Variants in DNER observed in about 807,000 individuals in gnomAD.
DNER encodes delta and Notch-like epidermal growth factor-related receptor.
Under a neutral mutation model 78.2 loss-of-function variants are expected in DNER, and 33 were observed. The observed-to-expected ratio is 0.42, with a 90% CI of 0.32 to 0.56. DNER has a LOEUF of 0.56. Among genes scored for constraint, DNER ranks in the 20% least tolerant of loss-of-function variants. The pLI is 0.11. For synonymous variants in DNER, 417 were observed against 384.8 expected (o/e 1.08, Z -0.98); for missense variants, 918 against 975.3 (o/e 0.94, Z 0.78).
chr2:229,519,879 A>G (rs760594240), intron 5 of DNER, among the ~76,000 whole-genome samples: 1 of 152,162 alleles, frequency 6.6e-6, no homozygotes, highest in Non-Finnish European at 1.5e-5. Context: ...GCTCTGCATT[A>G]GTGACTATCC....
At chr2:229,585,525 T>C (rs1559174072) in intron 4 of DNER, among the ~76,000 whole-genome samples, 1 of 151,888 alleles carries the variant, frequency 6.6e-6, no homozygotes, top group African/African-American at 2.4e-5. Context: ...CCGAGCATGA[T>C]GGTGGGTGCC....
chr2:229,407,099 A>G (rs555426787), intron 10 of DNER, 133 bp downstream of exon 10: 1 of 766,208 alleles, frequency 1.3e-6, no homozygotes, highest in Middle Eastern at 2.5e-4. Context: ...CATCCAAGCC[A>G]TGCCTCCTTA....
intron 11 of DNER, among the ~76,000 whole-genome samples, chr2:229,385,669 A>G (rs1323944585): frequency 6.6e-6 from 1 of 152,194 alleles, no homozygotes; most frequent in Non-Finnish European, 1.5e-5. Flanking sequence ...GCTTTCCTAT[A>G]AATCAATAAT....
intron 1 of DNER, among the ~76,000 whole-genome samples, chr2:229,695,940 T>G (rs1422457046): frequency 6.6e-6 from 1 of 152,172 alleles, no homozygotes; most frequent in Non-Finnish European, 1.5e-5. Context: ...CTTTGTTTGT[T>G]TGTTTGCTGG....
intron 8 of DNER, among the ~76,000 whole-genome samples, chr2:229,442,651 C>T (rs915406459): frequency 6.6e-6 from 1 of 152,110 alleles, no homozygotes; most frequent in Non-Finnish European, 1.5e-5. Flanking sequence ...GTCTTCAAAC[C>T]TTTGCAGGTA....
chr2:229,427,981 G>A lies in DNER; in HGVS notation c.1487-9751C>T, dbSNP rs191372156. Among the ~76,000 whole-genome samples, 1,064 of 151,588 alleles carry A rather than the reference G, an allele frequency of 7.0e-3. 3 individuals are homozygous for A. The highest frequency in any genetic ancestry group is 0.011 in the Non-Finnish European group (713 of 67,874). On this transcript the variant is annotated intron_variant, in intron 8 of 12. Transcript: ENST00000341772. ...TCCCAGCTACTTGGGAGGCTGAGGCGGGAGAATTGCTTGAACCCGGGAGGC... is the reference window on the plus strand; with the variant it reads ...TCCCAGCTACTTGGGAGGCTGAGGCAGGAGAATTGCTTGAACCCGGGAGGC...
intron 7 of DNER, among the ~76,000 whole-genome samples, chr2:229,473,246 T>C (rs760601218): frequency 1.6e-4 from 24 of 152,340 alleles, no homozygotes; most frequent in Non-Finnish European, 2.4e-4. Context: ...TTTCCAGATT[T>C]AAGAAAGTAA....
intron 4 of DNER, among the ~76,000 whole-genome samples, chr2:229,557,583 G>A (rs924432412): frequency 6.6e-6 from 1 of 152,016 alleles, no homozygotes; most frequent in African/African-American, 2.4e-5. Context: ...AAAGCCTGCT[G>A]TGAATTACAA....
rs183577732 is a variant in DNER at position 229,393,834 on chromosome 2, G to A, written c.1724-5438C>T. ...TGCACTCCAGCCTGGGCAACAGAGCGAGACTCCGTCTCAAAACAAAAACAA... is the reference window on the plus strand; with the variant it reads ...TGCACTCCAGCCTGGGCAACAGAGCAAGACTCCGTCTCAAAACAAAAACAA... On this transcript the variant is annotated intron_variant, in intron 10 of 12. Coordinates refer to ENST00000341772, the MANE Select transcript of DNER (RefSeq NM_139072.4). 7.4e-3 allele frequency among the ~76,000 whole-genome samples: 1,125 copies of A among 152,080 alleles called. 7 individuals are homozygous for A. The highest frequency in any genetic ancestry group is 0.012 in the Non-Finnish European group (812 of 68,014).
chr2:229,653,617 C>G (rs1386167152), intron 1 of DNER, among the ~76,000 whole-genome samples: 1 of 152,086 alleles, frequency 6.6e-6, no homozygotes, highest in Non-Finnish European at 1.5e-5. Context: ...CTGAGCAGTT[C>G]AAATTGATGA....
chr2:229,686,281 TC>T (rs1208158602), intron 1 of DNER, among the ~76,000 whole-genome samples: 1 of 151,864 alleles, frequency 6.6e-6, no homozygotes, highest in Non-Finnish European at 1.5e-5. Flanking sequence ...TTGCCCCCAC[TC>T]CCAGCCCGCA....
chr2:229,613,585 G>A (rs1052469794), intron 1 of DNER, among the ~76,000 whole-genome samples: 4 of 151,746 alleles, frequency 2.6e-5, no homozygotes, highest in Admixed American at 6.6e-5. Context: ...AATATATGGC[G>A]CAGGGAAGAG....
At chr2:229,600,660 T>TA (rs1262825118) in intron 1 of DNER, among the ~76,000 whole-genome samples, 2 of 152,354 alleles carry the variant, frequency 1.3e-5, no homozygotes, top group East Asian at 3.9e-4. Context: ...CTCATCTAGA[T>TA]AGTCCACCTT....
intron 1 of DNER, among the ~76,000 whole-genome samples, chr2:229,610,240 G>A (rs1408447340): frequency 1.3e-5 from 2 of 152,206 alleles, no homozygotes; most frequent in East Asian, 3.8e-4. Flanking sequence ...AAATGACACA[G>A]AAAAGGGAGC....
At chr2:229,502,741 T>G (rs1695647599) in intron 6 of DNER, among the ~76,000 whole-genome samples, 1 of 152,234 alleles carries the variant, frequency 6.6e-6, no homozygotes, top group Non-Finnish European at 1.5e-5. Flanking sequence ...TGGGTAGAGA[T>G]ATCCTCCTCA....
At chr2:229,486,829 T>C (rs1210745601) in intron 6 of DNER, among the ~76,000 whole-genome samples, 2 of 152,242 alleles carry the variant, frequency 1.3e-5, no homozygotes, top group South Asian at 2.1e-4. Flanking sequence ...GCATCAGCCC[T>C]GCCTGGGAAC....
intron 1 of DNER, among the ~76,000 whole-genome samples, chr2:229,605,616 A>G (rs898490976): frequency 2.6e-5 from 4 of 152,324 alleles, no homozygotes; most frequent in African/African-American, 9.6e-5. Flanking sequence ...TGTTGATGAA[A>G]TCAATCCCAT....
At chr2:229,537,864 G>A (rs1001651011) in intron 5 of DNER, among the ~76,000 whole-genome samples, 15 of 151,930 alleles carry the variant, frequency 9.9e-5, no homozygotes, top group Admixed American at 2.0e-4. Context: ...CCACTAACTC[G>A]TCATCTAGCA....
At chr2:229,415,187 C>T (rs577198641) in intron 9 of DNER, among the ~76,000 whole-genome samples, 2 of 152,050 alleles carry the variant, frequency 1.3e-5, no homozygotes, top group Admixed American at 6.5e-5. Flanking sequence ...CAGGCCTTCC[C>T]GGAAGTTCAA....
Sources: allele counts gnomAD v4.1 joint callset (sites outside exome capture counted in the v4.1 genomes callset), GRCh38; gene constraint gnomAD v4.1.1; transcripts MANE v1.5; gene names NCBI Gene and HGNC (gene_info 2026-07-23, HGNC 2026-07-21).